The following PRAM1 variants were observed in gnomAD, a reference collection of about 807,000 sequenced individuals.
The protein encoded by PRAM1 is PML-RARA-regulated adapter molecule 1.
In PRAM1, 41 loss-of-function variants were observed where a neutral mutation model predicts 55.3. The observed-to-expected ratio is 0.74, with a 90% CI of 0.58 to 0.96. PRAM1 has a LOEUF of 0.96. Ranked by LOEUF, PRAM1 falls within the 40% of genes least tolerant of loss-of-function variation. The pLI, the probability that PRAM1 is intolerant of heterozygous loss-of-function variation, is 0.00. For synonymous variants in PRAM1, 401 were observed against 387.1 expected (o/e 1.04, Z -0.42); for missense variants, 898 against 892.7 (o/e 1.01, Z -0.08).
At chr19:8,501,700 C>G (rs1460699450) in intron 1 of PRAM1, among the ~76,000 whole-genome samples, 2 of 152,070 alleles carry the variant, frequency 1.3e-5, no homozygotes, top group African/African-American at 4.8e-5. Flanking sequence ...GCCTGACCAT[C>G]AGGAAAACAC....
intron 4 of PRAM1, among the ~76,000 whole-genome samples, chr19:8,492,359 C>T (rs1385138881): frequency 1.3e-5 from 2 of 152,006 alleles, no homozygotes; most frequent in Non-Finnish European, 2.9e-5. Flanking sequence ...TGGGTTCAAG[C>T]GATTCTCCTG....
Position 8,497,801 on chromosome 19 carries a change from T to C in PRAM1, c.1539A>G (p.Glu513=). The change falls in exon 4 of 10, where the codon GAA becomes GAG. Residue 513 remains glutamate (E), a synonymous_variant. Transcript: ENST00000423345. The stretch of plus-strand genomic sequence containing the variant: ...GGCTGGGGCTGGAGTCATCTCTGGG[T>C]TCCACATCGTCATACAGCTCGTAGA... ...DEIYELYDDV[E]PRDDSSPSPK... 1 of 1,612,636 alleles carries C rather than the reference T, an allele frequency of 6.2e-7. No individual in the cohort carries two copies. The highest frequency in any genetic ancestry group is 8.5e-7 in the Non-Finnish European group (1 of 1,179,502).
At position 8,497,816 on chromosome 19, in the gene PRAM1, C is replaced by T. The variant is rs2145791814; in HGVS notation, c.1524G>A (p.Leu508=). Residue 508 remains leucine, a synonymous_variant, in exon 4 of 10, where the codon CTG becomes CTA. Transcript: ENST00000423345. The part of the protein sequence containing the change: ...IPQVPDEIYE[L]YDDVEPRDDS... Reference sequence around the variant, plus strand: ...CATCTCTGGGTTCCACATCGTCATACAGCTCGTAGATCTCATCTGGGACCC... The same window carrying T: ...CATCTCTGGGTTCCACATCGTCATATAGCTCGTAGATCTCATCTGGGACCC... The T allele has an allele frequency of 1.2e-6, 2 of 1,610,746 alleles. No homozygotes were observed. The highest frequency in any genetic ancestry group is 4.5e-5 in the East Asian group (2 of 44,738).
At chr19:8,494,719 C>A (rs1971673887) in intron 4 of PRAM1, among the ~76,000 whole-genome samples, 1 of 151,284 alleles carries the variant, frequency 6.6e-6, no homozygotes. Context: ...GCAACCCCTG[C>A]CTCCCAGGTT....
Position 8,490,324 on chromosome 19 carries a change from G to C in PRAM1, c.1975+14C>G, listed in dbSNP as rs1287146527. ...CGCCAGGGTCCCTCCAGCCCTCCCA[G>C]AGTGTCCACGTACCGCAGAAGTCGA... On this transcript the variant is annotated intron_variant, in intron 9 of 9. Transcript: ENST00000423345. This position sits in a 1 kb window ranked among gnomAD's most constrained non-coding sequence, Gnocchi z 7.3. The C allele has an allele frequency of 2.5e-6, 4 of 1,613,860 alleles. No homozygotes were observed. The highest frequency in any genetic ancestry group is 3.4e-6 in the Non-Finnish European group (4 of 1,179,894).
rs1391322462 is a variant in PRAM1, at chr19:8,490,995, C to G, written c.1635G>C (p.Arg545Ser). ...GCTGTGGCTGGGGATCCTTCTCCTT[C>G]CTGATAGCCCCCACCAAGGAATTGT... ...ARRPPQDPAL[R>S]KEKDPQPQQL... The change falls in exon 6 of 10, where the codon AGG (arginine) becomes AGC (serine). Residue 545 changes from arginine (R) to serine (S), a missense_variant and splice_region_variant. Around this residue, in one of 4 missense-constraint regions of PRAM1, gnomAD observed 787 missense variants for 735.4 expected, o/e 1.07. Coordinates refer to ENST00000423345, the MANE Select transcript of PRAM1 (RefSeq NM_032152.5). The surrounding 1 kb of genome is among the most constrained non-coding windows in gnomAD (Gnocchi z 7.3). 1 of 1,613,296 alleles carries G rather than the reference C, an allele frequency of 6.2e-7. No homozygotes were observed. The highest frequency in any genetic ancestry group is 1.3e-5 in the African/African-American group (1 of 74,748).
chr19:8,495,543 C>T (rs1971688428), intron 4 of PRAM1, among the ~76,000 whole-genome samples: 1 of 152,046 alleles, frequency 6.6e-6, no homozygotes, highest in Non-Finnish European at 1.5e-5. Context: ...CCGGGCCAGC[C>T]TTGTGCATCT....
rs745797520 is a variant in PRAM1, at chr19:8,490,255, C to T, written c.1976-29G>A. 6.2e-7 allele frequency: 1 copy of T among 1,610,694 alleles called. No homozygotes were observed. Among genetic ancestry groups the T allele is most frequent in the East Asian group, 2.2e-5 (1 of 44,762 alleles). On this transcript the variant is annotated intron_variant, in intron 9 of 9. Coordinates refer to ENST00000423345, the MANE Select transcript of PRAM1 (RefSeq NM_032152.5). The surrounding 1 kb of genome is among the most constrained non-coding windows in gnomAD (Gnocchi z 7.3). Reference sequence around the variant, plus strand: ...CCGAGGAAGCGTGACTTCCATGGACCCCTCTCCCCAGAAGCCCAATAGTGA... The same window carrying T: ...CCGAGGAAGCGTGACTTCCATGGACTCCTCTCCCCAGAAGCCCAATAGTGA...
intron 5 of PRAM1, 30 bp from the exon 6 acceptor site, chr19:8,491,025 T>A: frequency 6.2e-7 from 1 of 1,613,008 alleles, no homozygotes; most frequent in Non-Finnish European, 8.5e-7. Context: ...AATTGTGTGC[T>A]CGTGAGCAAG....
In PRAM1 at chr19:8,490,418, C is replaced by T. The variant is rs1599875114; in HGVS notation, c.1941-46G>A. The T allele has an allele frequency of 1.2e-6, 2 of 1,613,738 alleles. No individual in the cohort carries two copies. The highest frequency in any genetic ancestry group is 1.1e-5 in the South Asian group (1 of 91,062). ...CAGCAAGGGGCACCGTGGCCCATTCCCCCCACCCTGCACCACACACCCCGC... is the reference window on the plus strand; with the variant it reads ...CAGCAAGGGGCACCGTGGCCCATTCTCCCCACCCTGCACCACACACCCCGC... On this transcript the variant is annotated intron_variant, in intron 8 of 9. Coordinates refer to ENST00000423345, the MANE Select transcript of PRAM1 (RefSeq NM_032152.5). This position sits in a 1 kb window ranked among gnomAD's most constrained non-coding sequence, Gnocchi z 7.3.
rs747405827 is a variant in PRAM1 at position 8,490,598 on chromosome 19, G to A, written c.1902C>T (p.Gly634=). The change falls in exon 7 of 10, where the codon GGC becomes GGT. Residue 634 remains glycine (G), a synonymous_variant. Coordinates refer to ENST00000423345, the MANE Select transcript of PRAM1 (RefSeq NM_032152.5). The surrounding 1 kb of genome is among the most constrained non-coding windows in gnomAD (Gnocchi z 7.3). ...NEEMLCRDPK[G]KYGYVPRTAL... is the part of the protein sequence containing the mutation. ...TGCGGGGCCGGGCGCACTCACATTT[G>A]CCTTTGGGGTCCCGGCACAGCATCT... 6.9e-6 allele frequency: 11 copies of A among 1,586,492 alleles called. No homozygotes were observed. Among genetic ancestry groups the A allele is most frequent in the Admixed American group, 1.8e-5 (1 of 55,366 alleles).
At chr19:8,492,234 C>CA (rs1568313979) in intron 4 of PRAM1, among the ~76,000 whole-genome samples, 4 of 82,650 alleles carry the variant, frequency 4.8e-5, no homozygotes, top group South Asian at 4.9e-4. Context: ...CGTGCCTAGC[C>CA]GTTTTTTTTT....
chr19:8,502,587 G>A lies in PRAM1; in HGVS notation c.5C>T (p.Ala2Val). 1 of 1,551,548 alleles carries A rather than the reference G, an allele frequency of 6.4e-7. No homozygotes were observed. The highest frequency in any genetic ancestry group is 8.7e-7 in the Non-Finnish European group (1 of 1,148,878). The change falls in exon 1 of 10, where the codon GCC (alanine) becomes GTC (valine). Residue 2 changes from alanine (A) to valine (V), a missense_variant. This residue lies in a region of PRAM1 where 79 missense variants were observed against 93.4 expected (regional missense o/e 0.85). Coordinates refer to ENST00000423345, the MANE Select transcript of PRAM1 (RefSeq NM_032152.5). MAHHLPAAMESH... is the reference protein window; with the variant it reads MVHHLPAAMESH... ...CACCATGGCTGCAGGCAGGTGATGG[G>A]CCATGGGATGAGTGGGACCCGAGCT...
At chr19:8,497,894 TTGAGACGGAG>T in intron 3 of PRAM1, 54 bp from the exon 4 acceptor site, 3 of 1,221,512 alleles carry the variant, frequency 2.5e-6, no homozygotes, top group Non-Finnish European at 3.4e-6. Context: ...TTTTTTTTTT[TTGAGACGGAG>T]TTTTTCTCTG....
rs1218484838 is a variant in PRAM1, at chr19:8,493,050, G to A, written c.1577-1893C>T. On this transcript the variant is annotated intron_variant, in intron 4 of 9. Coordinates refer to ENST00000423345, the MANE Select transcript of PRAM1 (RefSeq NM_032152.5). This position sits in a 1 kb window ranked among gnomAD's most constrained non-coding sequence, Gnocchi z 4.1. ...AGATGCTGCTAGGGTAAGCGTCCTG[G>A]ACTGGTGACTGATGATGAGACTCTG... 6.6e-6 allele frequency among the ~76,000 whole-genome samples: 1 copy of A among 152,120 alleles called. No homozygotes were observed. The highest frequency in any genetic ancestry group is 2.4e-5 in the African/African-American group (1 of 41,426).
chr19:8,500,137 C>T (rs939041066), intron 1 of PRAM1, among the ~76,000 whole-genome samples: 3 of 141,368 alleles, frequency 2.1e-5, no homozygotes, highest in Admixed American at 7.2e-5. Context: ...TCTCCAGTCT[C>T]GTTCCATTGC....
rs1455564306 is a variant in PRAM1 at position 8,498,855 on chromosome 19, G to A, written c.953C>T (p.Ser318Phe). The A allele has an allele frequency of 2.5e-6, 4 of 1,609,402 alleles. No homozygotes were observed. The highest frequency in any genetic ancestry group is 3.4e-6 in the Non-Finnish European group (4 of 1,178,080). The change falls in exon 2 of 10, where the codon TCC becomes TTC. Residue 318 changes from serine to phenylalanine, a missense_variant. This residue lies in a region of PRAM1 where 787 missense variants were observed against 735.4 expected (regional missense o/e 1.07). Coordinates refer to ENST00000423345, the MANE Select transcript of PRAM1 (RefSeq NM_032152.5). Reference protein sequence around the residue: ...RPRPAEFKALSKKPPQPELGG... With the variant: ...RPRPAEFKALFKKPPQPELGG... Reference sequence around the variant, plus strand: ...CAGCTCGGGCTGCGGGGGCTTCTTGGAGAGCGCTTTGAATTCGGCCGGCCG... The same window carrying A: ...CAGCTCGGGCTGCGGGGGCTTCTTGAAGAGCGCTTTGAATTCGGCCGGCCG...
At chr19:8,496,298 C>A (rs1971698564) in intron 4 of PRAM1, among the ~76,000 whole-genome samples, 1 of 152,074 alleles carries the variant, frequency 6.6e-6, no homozygotes, top group African/African-American at 2.4e-5. Context: ...CCTGTAATCC[C>A]AGCTACTTGG....
rs747100275 is a variant in PRAM1 at position 8,491,132 on chromosome 19, G to A, written c.1602C>T (p.Ala534=). 2.1e-5 allele frequency: 34 copies of A among 1,611,684 alleles called. No individual in the cohort carries two copies. Among genetic ancestry groups the A allele is most frequent in the Middle Eastern group, 1.7e-4 (1 of 6,046 alleles). The part of the protein sequence containing the change: ...GRDEAPSVQQ[A]ARRPPQDPAL... ...CTGGGTCTTGTGGTGGCCTCCTGGCGGCTTGCTGAACTGAGGGCGCTTCAT... is the reference window on the plus strand; with the variant it reads ...CTGGGTCTTGTGGTGGCCTCCTGGCAGCTTGCTGAACTGAGGGCGCTTCAT... Residue 534 remains alanine, a synonymous_variant, in exon 5 of 10, where the codon GCC becomes GCT. Transcript: ENST00000423345.
Sources: allele counts gnomAD v4.1 joint callset (sites outside exome capture counted in the v4.1 genomes callset), GRCh38; gene constraint gnomAD v4.1.1; regional missense constraint gnomAD v4.1.1; non-coding constraint Gnocchi (gnomAD v3.1); transcripts MANE v1.5; gene names NCBI Gene and HGNC (gene_info 2026-07-23, HGNC 2026-07-21).